The following F8 variants were observed in gnomAD, a reference collection of about 807,000 sequenced individuals.
F8 encodes antihemophilic factor.
Under a neutral mutation model 140.6 loss-of-function variants are expected in F8, and 12 were observed. The ratio of observed to expected loss-of-function variants is 0.09; its 90% CI spans 0.05 to 0.14. F8 has a LOEUF of 0.14. Ranked by LOEUF, F8 falls within the 10% of genes least tolerant of loss-of-function variation. The pLI is 1.00. For missense variants in F8, 1,354 were observed against 1,720.7 expected (o/e 0.79, Z 3.77); for synonymous variants, 585 against 614.6 (o/e 0.95, Z 0.71).
At chrX:154,947,157 G>A (rs181468149) in intron 13 of F8, among the ~76,000 whole-genome samples, 7 of 104,500 alleles carry the variant, frequency 6.7e-5, no homozygotes, top group Admixed American at 6.1e-4. Context: ...CCCGGGTGGC[G>A]GAGCTTGCAG....
intron 5 of F8, 71 bp downstream of exon 5, chrX:154,987,166 T>C: frequency 1.2e-6 from 1 of 842,770 alleles, no homozygotes; most frequent in South Asian, 2.1e-5. Context: ...GATCTTTCTA[T>C]AATCACCTCC....
chrX:154,938,132 C>T (rs180941026), intron 13 of F8, among the ~76,000 whole-genome samples: 30 of 111,470 alleles, frequency 2.7e-4, no homozygotes, highest in African/African-American at 9.5e-4. Context: ...GTCCATGATA[C>T]ATATCCTTAT....
chrX:154,956,136 C>T (rs1171792666), intron 11 of F8, among the ~76,000 whole-genome samples: 1 of 112,390 alleles, frequency 8.9e-6, no homozygotes, highest in Non-Finnish European at 1.9e-5. Context: ...AAATATGACT[C>T]TGTTCTGCCT....
intron 6 of F8, among the ~76,000 whole-genome samples, chrX:154,982,139 G>T (rs1408499814): frequency 2.8e-5 from 3 of 108,182 alleles, no homozygotes; most frequent in Admixed American, 9.9e-5. Flanking sequence ...AGCTCAGATT[G>T]TGCCACTGCA....
rs1448035660 is a variant in F8, at chrX:154,930,619, C to T, written c.3171G>A (p.Glu1057=). 8.3e-7 allele frequency: 1 copy of T among 1,207,727 alleles called. No individual in the cohort carries two copies. Among genetic ancestry groups the T allele is most frequent in the Non-Finnish European group, 1.1e-6 (1 of 893,192 alleles). ...VWQNILESDT[E]FKKVTPLIHD... ...GAATCAAAGGTGTCACTTTTTTAAACTCAGTGTCACTTTCTAATATATTTT... is the reference window on the plus strand; with the variant it reads ...GAATCAAAGGTGTCACTTTTTTAAATTCAGTGTCACTTTCTAATATATTTT... The change falls in exon 14 of 26, where the codon GAG becomes GAA. Residue 1057 remains glutamate (E), a synonymous_variant. Coordinates refer to ENST00000360256, the MANE Select transcript of F8 (RefSeq NM_000132.4).
In F8 at chrX:154,955,165, CTTTTTTTTTT is replaced by C. The variant is rs1185466045; in HGVS notation, c.1753-1133_1753-1124del. ...GTTTTGCCCAAAAGTATTTATTAAGCTTTTTTTTTTTTTTTTTTTTTTTTTTTTGAGACAG... is the reference window on the plus strand; with the variant it reads ...GTTTTGCCCAAAAGTATTTATTAAGCTTTTTTTTTTTTTTTTTTGAGACAG... On this transcript the variant is annotated intron_variant, in intron 11 of 25. Coordinates refer to ENST00000360256, the MANE Select transcript of F8 (RefSeq NM_000132.4). 3.0e-3 allele frequency among the ~76,000 whole-genome samples: 109 copies of C among 36,074 alleles called. 1 individual carries two copies. The highest frequency in any genetic ancestry group is 4.8e-3 in the Non-Finnish European group (100 of 20,758). 31.3% of individuals were successfully genotyped at this position (36,074 alleles called of 115,157 possible).
chrX:154,932,477 T>C (rs2073203351), intron 13 of F8, among the ~76,000 whole-genome samples: 1 of 112,053 alleles, frequency 8.9e-6, no homozygotes, highest in Non-Finnish European at 1.9e-5. Flanking sequence ...GGTACCTCAA[T>C]AGCCTTGTCA....
intron 22 of F8, among the ~76,000 whole-genome samples, chrX:154,864,205 C>T (rs782643054): frequency 8.9e-6 from 1 of 112,514 alleles, no homozygotes; most frequent in Non-Finnish European, 1.9e-5. Flanking sequence ...GACTGTGGGC[C>T]CAAGTGGGGA....
chrX:154,987,793 C>T (rs1557284361), intron 4 of F8, among the ~76,000 whole-genome samples: 2 of 111,628 alleles, frequency 1.8e-5, no homozygotes, highest in African/African-American at 3.3e-5. Flanking sequence ...CCGTGTATAT[C>T]GATAGCTGAA....
At chrX:154,993,172 G>A (rs782724087) in intron 3 of F8, 24 bp from the exon 4 acceptor site, 120 of 1,159,460 alleles carry the variant, frequency 1.0e-4, no homozygotes, top group Non-Finnish European at 1.4e-4. Context: ...AAATAAAATT[G>A]TCCTTTCTAT....
chrX:154,968,942 T>C, intron 7 of F8, among the ~76,000 whole-genome samples: 1 of 107,428 alleles, frequency 9.3e-6, no homozygotes. Flanking sequence ...TCCCTAGATT[T>C]CTCCAAAAAA....
intron 14 of F8, chrX:154,909,047 C>T (rs1468360317): frequency 1.3e-5 from 3 of 235,164 alleles, no homozygotes; most frequent in South Asian, 5.9e-5. Context: ...GAGTCATTTT[C>T]GCTGTCACAA....
At chrX:154,943,122 T>G (rs5987066) in intron 13 of F8, among the ~76,000 whole-genome samples, 1 of 111,721 alleles carries the variant, frequency 9.0e-6, no homozygotes, top group Non-Finnish European at 1.9e-5. Context: ...CAGGGATGCC[T>G]TCTCTCACCT....
At chrX:154,908,638 T>A (rs1448214450) in intron 14 of F8, among the ~76,000 whole-genome samples, 1 of 112,360 alleles carries the variant, frequency 8.9e-6, no homozygotes, top group African/African-American at 3.2e-5. Context: ...TTCCATAGTT[T>A]TTTTTTCCAT....
Position 154,983,388 on chromosome X carries a change from AG to A in F8, c.787+1298del, listed in dbSNP as rs1161949134. ...TTTGCATCAACATAGGTGACACTGC[AG>A]GGCAATACCACATGTTCTCACTCAC... On this transcript the variant is annotated intron_variant, in intron 6 of 25. Coordinates refer to ENST00000360256, the MANE Select transcript of F8 (RefSeq NM_000132.4). Among the ~76,000 whole-genome samples the A allele has an allele frequency of 2.7e-5, 3 of 111,925 alleles. No homozygotes were observed. In the Admixed American group the frequency reaches 2.8e-4, roughly 11 times the overall value.
intron 9 of F8, among the ~76,000 whole-genome samples, chrX:154,961,622 C>T (rs1316977301): frequency 2.7e-5 from 3 of 110,552 alleles, no homozygotes; most frequent in Middle Eastern, 4.6e-3. Flanking sequence ...GAATATGAGA[C>T]TAGAAATCCA....
In F8 at chrX:154,931,332, G is replaced by T. The variant is rs782359633; in HGVS notation, c.2458C>A (p.His820Asn). The change falls in exon 14 of 26, where the codon CAT (histidine) becomes AAT (asparagine). Residue 820 changes from histidine (H) to asparagine (N), a missense_variant. Transcript: ENST00000360256. ...TGGAGATCAGATAAGGATAGCCCAT[G>T]TGGAGTAGGACTCTGTCGCAAGAGC... The part of the protein sequence containing the change: ...LMLLRQSPTP[H>N]GLSLSDLQEA... 1 of 1,209,892 alleles carries T rather than the reference G, an allele frequency of 8.3e-7. No individual in the cohort carries two copies.
chrX:154,962,997 T>TC (rs2073404644), intron 9 of F8, among the ~76,000 whole-genome samples: 1 of 111,189 alleles, frequency 9.0e-6, no homozygotes, highest in African/African-American at 3.3e-5. Context: ...CTGAGGTGTG[T>TC]GATATGAGGA....
chrX:154,894,614 C>G (rs28429597), intron 22 of F8, among the ~76,000 whole-genome samples: 46,326 of 109,017 alleles, frequency 0.42, 9,718 homozygotes, highest in African/African-American at 0.81. Context: ...AGCTACTCAG[C>G]AGGCTGAGGC....
Sources: gnomAD v4.1 joint callset for allele counts (sites outside exome capture counted in the v4.1 genomes callset) on GRCh38, gnomAD v4.1.1 for gene constraint, MANE v1.5 for transcripts, NCBI Gene and HGNC (gene_info 2026-07-23, HGNC 2026-07-21) for gene names.